PDE5A: variants seen among roughly 807,000 people sequenced by gnomAD.
PDE5A encodes phosphodiesterase 5A.
A neutral mutation model predicts 110.2 loss-of-function variants in PDE5A; 67 were observed. The observed-to-expected ratio is 0.61, with a 90% CI of 0.50 to 0.75. The LOEUF (loss-of-function observed/expected upper bound fraction) is 0.75. Ranked by LOEUF, PDE5A falls within the 30% of genes least tolerant of loss-of-function variation. The pLI is 0.00. For missense variants in PDE5A, 862 were observed against 1,045.1 expected (o/e 0.82, Z 2.42); for synonymous variants, 328 against 351.2 (o/e 0.93, Z 0.74).
In PDE5A at chr4:119,594,695, G is replaced by A. The variant is rs183279360; in HGVS notation, c.831+1828C>T. ...AACTAATTAATTAATCTCATATTAC[G>A]TCATTGCTGCAGGCATTTTTAGTTA... is the stretch of plus-strand genomic sequence containing the variant. On this transcript the variant is annotated intron_variant, in intron 3 of 20. Transcript: ENST00000354960. Among the ~76,000 whole-genome samples the A allele has an allele frequency of 2.1e-3, 312 of 152,058 alleles. 1 individual carries two copies. Among genetic ancestry groups the A allele is most frequent in the African/African-American group, 5.7e-3 (237 of 41,480 alleles).
At chr4:119,619,402 C>G (rs1730065256) in intron 1 of PDE5A, among the ~76,000 whole-genome samples, 1 of 152,156 alleles carries the variant, frequency 6.6e-6, no homozygotes, top group Non-Finnish European at 1.5e-5. Context: ...AGTCTTCACC[C>G]TCTTTCACCT....
At chr4:119,502,734 G>T in intron 18 of PDE5A, 79 bp from the exon 19 acceptor site, 1 of 868,898 alleles carries the variant, frequency 1.2e-6, no homozygotes, top group Non-Finnish European at 1.9e-6. Flanking sequence ...TGAAGGCCCT[G>T]TTAGGAGCTG....
intron 3 of PDE5A, among the ~76,000 whole-genome samples, chr4:119,590,221 T>A (rs892539937): frequency 1.3e-5 from 2 of 152,206 alleles, no homozygotes; most frequent in Non-Finnish European, 2.9e-5. Flanking sequence ...GTCATGAAGA[T>A]TAAATGAACT....
chr4:119,587,477 G>C (rs1343276029), intron 3 of PDE5A, among the ~76,000 whole-genome samples: 1 of 151,006 alleles, frequency 6.6e-6, no homozygotes, highest in African/African-American at 2.4e-5. Context: ...TCCGCTTCCC[G>C]GGTTCACGCC....
chr4:119,498,350 T>A lies in PDE5A; in HGVS notation c.*251A>T, dbSNP rs200355871. 1 of 404,346 alleles carries A rather than the reference T, an allele frequency of 2.5e-6. No homozygotes were observed. The highest frequency in any genetic ancestry group is 4.5e-6 in the Non-Finnish European group (1 of 223,930). The allele number at this position is 404,346 out of a possible 1,614,324, so 25.0% of individuals were successfully genotyped here. ...GTACACGAAATATCACAAACAATGCTTTTATCAATGTGCTAACAGTGGATG... is the reference window on the plus strand; with the variant it reads ...GTACACGAAATATCACAAACAATGCATTTATCAATGTGCTAACAGTGGATG... On this transcript the variant is annotated 3_prime_UTR_variant, in exon 21 of 21. Transcript: ENST00000354960.
intron 2 of PDE5A, among the ~76,000 whole-genome samples, chr4:119,606,320 T>C (rs1209974144): frequency 6.6e-6 from 1 of 152,206 alleles, no homozygotes; most frequent in Admixed American, 6.5e-5. Flanking sequence ...TTTTTTGTTT[T>C]TGCACCTATC....
chr4:119,509,133 C>T (rs926123342), intron 15 of PDE5A, among the ~76,000 whole-genome samples: 5 of 151,834 alleles, frequency 3.3e-5, no homozygotes, highest in African/African-American at 7.3e-5. Context: ...TCTGAAAAAC[C>T]GTACACTAAA....
At position 119,552,651 on chromosome 4, in the gene PDE5A, A is replaced by C; in HGVS notation, c.1309-14T>G. On this transcript the variant is annotated splice_polypyrimidine_tract_variant and intron_variant, in intron 8 of 20. Coordinates refer to ENST00000354960, the MANE Select transcript of PDE5A (RefSeq NM_001083.4). ...TGTATTTTCAGTCTAAACAAAAATA[A>C]AAAGAACAAAACAGCTAAAATGGTA... 7.2e-7 allele frequency: 1 copy of C among 1,393,088 alleles called. No homozygotes were observed. The highest frequency in any genetic ancestry group is 9.8e-7 in the Non-Finnish European group (1 of 1,020,212). The allele number at this position is 1,393,088 out of a possible 1,614,324, so 86.3% of individuals were successfully genotyped here. A position where few individuals can be genotyped will look rare whatever the true frequency, so the allele number is the denominator to read the frequency against.
chr4:119,537,456 AAACT>A (rs1156769173), intron 11 of PDE5A, among the ~76,000 whole-genome samples: 1 of 151,818 alleles, frequency 6.6e-6, no homozygotes, highest in Non-Finnish European at 1.5e-5. Context: ...TCCCTTTTTG[AAACT>A]ACTTTATTTT....
chr4:119,620,489 T>C (rs560216908), intron 1 of PDE5A, among the ~76,000 whole-genome samples: 1 of 152,290 alleles, frequency 6.6e-6, no homozygotes, highest in Non-Finnish European at 1.5e-5. Flanking sequence ...CTACCACTTC[T>C]GAAAGAAAAC....
At chr4:119,522,050 C>T (rs763417639) in intron 12 of PDE5A, among the ~76,000 whole-genome samples, 4 of 152,156 alleles carry the variant, frequency 2.6e-5, no homozygotes, top group African/African-American at 7.2e-5. Flanking sequence ...CAACACAATA[C>T]GATTAGCTAC....
chr4:119,562,006 C>T (rs3775856), intron 6 of PDE5A, among the ~76,000 whole-genome samples: 23,113 of 152,170 alleles, frequency 0.15, 1,890 homozygotes, highest in Middle Eastern at 0.2. Flanking sequence ...TGATAGTGCA[C>T]GCTCTCTTTC....
intron 7 of PDE5A, among the ~76,000 whole-genome samples, chr4:119,553,957 T>A (rs1057052209): frequency 2.0e-5 from 3 of 152,134 alleles, no homozygotes; most frequent in Non-Finnish European, 4.4e-5. Flanking sequence ...ATCCCACAAA[T>A]TTCCAACAAG....
At chr4:119,552,368 C>G in intron 9 of PDE5A, 182 bp downstream of exon 9, 1 of 364,620 alleles carries the variant, frequency 2.7e-6, no homozygotes, top group Non-Finnish European at 4.9e-6. Context: ...TAAAAGTGCA[C>G]CATAGTTTAT....
chr4:119,542,771 C>T, intron 9 of PDE5A, 137 bp from the exon 10 acceptor site: 2 of 699,368 alleles, frequency 2.9e-6, no homozygotes, highest in South Asian at 4.0e-5. Context: ...CAAATTAACC[C>T]CCACAAATAT....
At chr4:119,498,854 G>C (rs1417709780) in intron 20 of PDE5A, 116 bp from the exon 21 acceptor site, 1 of 1,063,212 alleles carries the variant, frequency 9.4e-7, no homozygotes, top group Non-Finnish European at 1.4e-6. Flanking sequence ...ACTCACTGTT[G>C]AAATTTTCAC....
At position 119,495,668 on chromosome 4, in the gene PDE5A, A is replaced by G. The variant is rs1305811298; in HGVS notation, c.*2933T>C. 1 of 152,426 alleles carries G rather than the reference A, an allele frequency of 6.6e-6. No homozygotes were observed. Among genetic ancestry groups the G allele is most frequent in the Non-Finnish European group, 1.5e-5 (1 of 68,012 alleles). The allele number at this position is 152,426 out of a possible 1,614,324, so 9.4% of individuals were successfully genotyped here. A position where few individuals can be genotyped will look rare whatever the true frequency, so the allele number is the denominator to read the frequency against. On this transcript the variant is annotated 3_prime_UTR_variant, in exon 21 of 21. Transcript: ENST00000354960. ...TTTCATATACTTTCTTATCTCTAAT[A>G]CTCCTATTAAAGGAAACTATTATTC...
rs373229756 is a variant in PDE5A at position 119,553,741 on chromosome 4, T to C, written c.1205A>G (p.His402Arg). Residue 402 changes from histidine (H) to arginine (R), a missense_variant, in exon 8 of 21, where the codon CAT (histidine) becomes CGT (arginine). Transcript: ENST00000354960. ...EKSSDTLTRE[H>R]DANKINYMYA... Reference sequence around the variant, plus strand: ...CATGTAATTGATTTTGTTTGCATCATGTTCCCTGTGAAAATAACAGATATG... The same window carrying C: ...CATGTAATTGATTTTGTTTGCATCACGTTCCCTGTGAAAATAACAGATATG... 1 of 1,542,738 alleles carries C rather than the reference T, an allele frequency of 6.5e-7. No homozygotes were observed. Among genetic ancestry groups the C allele is most frequent in the Admixed American group, 1.7e-5 (1 of 59,306 alleles).
In PDE5A at chr4:119,575,057, G is replaced by A. The variant is rs534462024; in HGVS notation, c.832-7913C>T. Reference sequence around the variant, plus strand: ...GATGAATGCACAAGCCTCAGTAGCCGATTCGATCAACTGGAAGAAAGGGTA... The same window carrying A: ...GATGAATGCACAAGCCTCAGTAGCCAATTCGATCAACTGGAAGAAAGGGTA... On this transcript the variant is annotated intron_variant, in intron 3 of 20. Transcript: ENST00000354960. Among the ~76,000 whole-genome samples the A allele has an allele frequency of 1.1e-4, 17 of 152,296 alleles. No individual in the cohort carries two copies. In the South Asian group the frequency reaches 2.9e-3, roughly 26 times the overall value.
Sources: allele counts gnomAD v4.1 joint callset (sites outside exome capture counted in the v4.1 genomes callset), GRCh38; gene constraint gnomAD v4.1.1; transcripts MANE v1.5; gene names NCBI Gene and HGNC (gene_info 2026-07-23, HGNC 2026-07-21).